The following DLG2 variants were observed in gnomAD, a reference collection of about 807,000 sequenced individuals.
The protein encoded by DLG2 is discs large MAGUK scaffold protein 2, also known as disks large homolog 2.
Under a neutral mutation model 132.5 loss-of-function variants are expected in DLG2, and 45 were observed. The observed-to-expected ratio is 0.34, with a 90% CI of 0.27 to 0.44. The LOEUF is 0.44. Ranked by LOEUF, DLG2 falls within the 20% of genes least tolerant of loss-of-function variation. The probability of loss-of-function intolerance (pLI) is 1.00; values close to 1 mark genes in which losing one functional copy is unlikely to be tolerated. For synonymous variants in DLG2, 424 were observed against 419.6 expected, an observed-to-expected ratio of 1.01 and a Z score of -0.13; for missense variants, 1,045 against 1,196.9, an observed-to-expected ratio of 0.87 and a Z score of 1.87.
chr11:84,164,642 T>C (rs2095621130), intron 8 of DLG2, among the ~76,000 whole-genome samples: 1 of 152,250 alleles, frequency 6.6e-6, no homozygotes, highest in African/African-American at 2.4e-5. Flanking sequence ...TTTACTTGTG[T>C]AATTTATAAA....
chr11:84,618,872 A>G (rs1237386995), intron 6 of DLG2, among the ~76,000 whole-genome samples: 1 of 152,122 alleles, frequency 6.6e-6, no homozygotes, highest in Non-Finnish European at 1.5e-5. Context: ...TAAAATAGCC[A>G]TGAGTAATAT....
At chr11:84,865,000 A>C (rs1213161989) in intron 6 of DLG2, among the ~76,000 whole-genome samples, 4 of 152,204 alleles carry the variant, frequency 2.6e-5, no homozygotes, top group African/African-American at 9.6e-5. Context: ...AATACACTAC[A>C]TTAGGCATAT....
chr11:84,163,545 T>C, intron 8 of DLG2, 34 bp from the exon 9 acceptor site: 1 of 1,548,528 alleles, frequency 6.5e-7, no homozygotes, highest in Non-Finnish European at 8.8e-7. Context: ...AGAGAACTAT[T>C]AAATACATGT....
chr11:84,425,329 G>T (rs1292243007), intron 7 of DLG2, among the ~76,000 whole-genome samples: 1 of 152,048 alleles, frequency 6.6e-6, no homozygotes, highest in African/African-American at 2.4e-5. Context: ...ACTGGAGAAT[G>T]GAAAGCATTA....
At chr11:85,099,597 T>A (rs1318236160) in intron 6 of DLG2, among the ~76,000 whole-genome samples, 2 of 152,176 alleles carry the variant, frequency 1.3e-5, no homozygotes, top group Non-Finnish European at 1.5e-5. Context: ...GAAGTACCCA[T>A]CTCCTGAATG....
At chr11:85,175,339 C>A (rs761853740) in intron 4 of DLG2, among the ~76,000 whole-genome samples, 1 of 152,034 alleles carries the variant, frequency 6.6e-6, no homozygotes, top group Non-Finnish European at 1.5e-5. Flanking sequence ...AAATGTGATT[C>A]ATCACATAAA....
chr11:85,608,689 G>T (rs2080767581), intron 2 of DLG2, among the ~76,000 whole-genome samples: 1 of 152,100 alleles, frequency 6.6e-6, no homozygotes, highest in Non-Finnish European at 1.5e-5. Context: ...TCCCCTTCAA[G>T]CTGTAGGGGG....
intron 9 of DLG2, among the ~76,000 whole-genome samples, chr11:84,129,121 G>GAAGAGATAGTAT (rs1461037506): frequency 6.6e-6 from 1 of 152,088 alleles, no homozygotes; most frequent in Non-Finnish European, 1.5e-5. Flanking sequence ...CAGGATGACT[G>GAAGAGATAGTAT]AAGAGATAGT....
intron 6 of DLG2, among the ~76,000 whole-genome samples, chr11:85,012,679 A>T (rs1057301252): frequency 6.6e-6 from 1 of 152,212 alleles, no homozygotes; most frequent in Non-Finnish European, 1.5e-5. Context: ...TTTTGGGGTT[A>T]CTGTTATGGA....
chr11:85,370,193 C>A (rs974147931), intron 3 of DLG2, among the ~76,000 whole-genome samples: 2 of 152,072 alleles, frequency 1.3e-5, no homozygotes, highest in Admixed American at 6.5e-5. Flanking sequence ...AGCAACTTAC[C>A]AAGTTTTACC....
At chr11:84,877,693 T>A (rs1332529880) in intron 6 of DLG2, among the ~76,000 whole-genome samples, 3 of 151,954 alleles carry the variant, frequency 2.0e-5, no homozygotes, top group Non-Finnish European at 4.4e-5. Context: ...TTTAGCCCGT[T>A]TATATTTAAA....
chr11:84,329,553 G>A (rs1455395444), intron 7 of DLG2, among the ~76,000 whole-genome samples: 3 of 152,172 alleles, frequency 2.0e-5, no homozygotes, highest in Non-Finnish European at 4.4e-5. Flanking sequence ...ATGATTATCA[G>A]TTTACTGAGG....
At chr11:84,970,527 T>C (rs540182422) in intron 6 of DLG2, among the ~76,000 whole-genome samples, 1 of 152,206 alleles carries the variant, frequency 6.6e-6, no homozygotes, top group Non-Finnish European at 1.5e-5. Context: ...CTCCAGCAGA[T>C]GTGATGACTG....
At chr11:83,494,656 C>G (rs955855116) in intron 21 of DLG2, among the ~76,000 whole-genome samples, 1 of 151,620 alleles carries the variant, frequency 6.6e-6, no homozygotes, top group African/African-American at 2.4e-5. Flanking sequence ...ACACCCAGTT[C>G]ACCATCCTTA....
At chr11:83,788,816 A>G (rs1428330142) in intron 17 of DLG2, among the ~76,000 whole-genome samples, 1 of 152,184 alleles carries the variant, frequency 6.6e-6, no homozygotes, top group Non-Finnish European at 1.5e-5. Context: ...CACCATCTCC[A>G]TTTCCAGTGG....
intron 6 of DLG2, among the ~76,000 whole-genome samples, chr11:84,986,842 G>C (rs1328417479): frequency 6.6e-6 from 1 of 152,100 alleles, no homozygotes; most frequent in Non-Finnish European, 1.5e-5. Flanking sequence ...TTTCCTCTGA[G>C]AACTAGAACA....
chr11:83,655,412 C>A (rs2072054774), intron 18 of DLG2, among the ~76,000 whole-genome samples: 1 of 152,170 alleles, frequency 6.6e-6, no homozygotes, highest in Non-Finnish European at 1.5e-5. Context: ...TGTAATATTA[C>A]TCAGCCTTTT....
chr11:83,617,879 C>T (rs1005620989), intron 19 of DLG2, among the ~76,000 whole-genome samples: 1 of 152,094 alleles, frequency 6.6e-6, no homozygotes, highest in Non-Finnish European at 1.5e-5. Context: ...TGGCTATAGT[C>T]CCAGGTACTC....
At chr11:83,717,035 T>C (rs1407474219) in intron 18 of DLG2, among the ~76,000 whole-genome samples, 1 of 152,196 alleles carries the variant, frequency 6.6e-6, no homozygotes, top group Non-Finnish European at 1.5e-5. Flanking sequence ...AACTTAAATA[T>C]TTTGTAGTAC....
Sources: gnomAD v4.1 joint callset for allele counts (sites outside exome capture counted in the v4.1 genomes callset) on GRCh38, gnomAD v4.1.1 for gene constraint, MANE v1.5 for transcripts, NCBI Gene and HGNC (gene_info 2026-07-23, HGNC 2026-07-21) for gene names.